EPG5: variants seen among roughly 807,000 people sequenced by gnomAD.
EPG5 encodes ectopic P granules protein 5 homolog.
EPG5 carries 159 observed loss-of-function variants against 302.7 expected under a neutral mutation model. The observed-to-expected ratio is 0.53, with a 90% confidence interval of 0.46 to 0.60. EPG5 has a LOEUF of 0.60. Among genes scored for constraint, EPG5 ranks in the 20% least tolerant of loss-of-function variants. EPG5 has a pLI of 0.00. For missense variants in EPG5, 2,896 were observed against 3,092.4 expected, an observed-to-expected ratio of 0.94 and a Z score of 1.51; for synonymous variants, 1,158 against 1,136.8, an observed-to-expected ratio of 1.02 and a Z score of -0.37.
At position 45,849,421 on chromosome 18, in the gene EPG5, C is replaced by A. The variant is rs1262381446; in HGVS notation, c.*3046G>T. ...CAGAGTGAGAGGGGCACTAGATGAA[C>A]GTGAATGACCCTTCTGACTGTAAAA... On this transcript the variant is annotated 3_prime_UTR_variant, in exon 44 of 44. Coordinates refer to ENST00000282041, the MANE Select transcript of EPG5 (RefSeq NM_020964.3). The A allele has an allele frequency of 6.6e-6, 1 of 152,208 alleles. No individual in the cohort carries two copies. The highest frequency in any genetic ancestry group is 2.4e-5 in the African/African-American group (1 of 41,438). The allele number at this position is 152,208 out of a possible 1,614,324, so 9.4% of individuals were successfully genotyped here. A position where few individuals can be genotyped will look rare whatever the true frequency, so the allele number is the denominator to read the frequency against.
At chr18:45,938,908 G>GCCCCT (rs2050598039) in intron 10 of EPG5, among the ~76,000 whole-genome samples, 1 of 152,172 alleles carries the variant, frequency 6.6e-6, no homozygotes, top group South Asian at 2.1e-4. Context: ...TAGCTCAGGA[G>GCCCCT]AGGGCCAAAG....
chr18:45,946,652 T>C lies in EPG5; in HGVS notation c.1677+11A>G. The C allele has an allele frequency of 6.3e-7, 1 of 1,599,388 alleles. No individual in the cohort carries two copies. Among genetic ancestry groups the C allele is most frequent in the Non-Finnish European group, 8.6e-7 (1 of 1,166,940 alleles). ...ATGATTCATCAAAATAATGCAGATA[T>C]GACAAGTTACCTCTTCTCCTCCTTC... On this transcript the variant is annotated intron_variant, in intron 7 of 43. Transcript: ENST00000282041.
At chr18:45,813,643 T>C in the EPG5 span, among the ~76,000 whole-genome samples, 2 of 152,204 alleles carry the variant, frequency 1.3e-5, no homozygotes, top group African/African-American at 4.8e-5. Context: ...GAAACCATCA[T>C]TCTCAGCAAA....
intron 17 of EPG5, 138 bp from the exon 18 acceptor site, chr18:45,916,720 A>G (rs2050041632): frequency 1.2e-6 from 1 of 836,720 alleles, no homozygotes; most frequent in Non-Finnish European, 1.8e-6. Flanking sequence ...AAGGGATTCT[A>G]GAAGAATAAA....
chr18:45,957,884 A>T (rs1005759473), intron 1 of EPG5, among the ~76,000 whole-genome samples: 1 of 152,108 alleles, frequency 6.6e-6, no homozygotes, highest in African/African-American at 2.4e-5. Context: ...GTCCCCTCTA[A>T]ACCAGGCACG....
intron 1 of EPG5, among the ~76,000 whole-genome samples, chr18:45,958,972 C>G (rs549685020): frequency 1.2e-4 from 19 of 152,186 alleles, no homozygotes; most frequent in Non-Finnish European, 1.5e-4. Context: ...TCTGACCAAT[C>G]AGCATTCCTG....
intron 42 of EPG5, among the ~76,000 whole-genome samples, chr18:45,857,532 A>G (rs2048540644): frequency 6.6e-6 from 1 of 152,238 alleles, no homozygotes; most frequent in South Asian, 2.1e-4. Context: ...CTATGCTCGC[A>G]TACCGTCCAT....
intron 39 of EPG5, among the ~76,000 whole-genome samples, chr18:45,863,121 A>G (rs988684618): frequency 1.3e-5 from 2 of 152,192 alleles, no homozygotes; most frequent in Admixed American, 6.5e-5. Flanking sequence ...TAGCTATGCC[A>G]GCTTTCTATT....
intron 1 of EPG5, among the ~76,000 whole-genome samples, chr18:45,959,144 G>C (rs983374258): frequency 2.6e-5 from 4 of 152,182 alleles, no homozygotes; most frequent in Non-Finnish European, 5.9e-5. Context: ...CGATGAATCG[G>C]CTCTGTCTAG....
rs187540989 is a variant in EPG5, at chr18:45,956,528, C to T, written c.64-1190G>A. On this transcript the variant is annotated intron_variant, in intron 1 of 43. Coordinates refer to ENST00000282041, the MANE Select transcript of EPG5 (RefSeq NM_020964.3). ...CTGGAGTGCAGTCACGCAATCTCGGCTCACTGCAACCTCCGCCTCCTGGGT... is the reference window on the plus strand; with the variant it reads ...CTGGAGTGCAGTCACGCAATCTCGGTTCACTGCAACCTCCGCCTCCTGGGT... 3.3e-5 allele frequency among the ~76,000 whole-genome samples: 5 copies of T among 152,000 alleles called. No homozygotes were observed. In the East Asian group the frequency reaches 9.7e-4, roughly 29 times the overall value.
At chr18:45,919,507 A>C (rs918059922) in intron 16 of EPG5, among the ~76,000 whole-genome samples, 1 of 150,346 alleles carries the variant, frequency 6.7e-6, no homozygotes, top group African/African-American at 2.5e-5. Flanking sequence ...GGCATGTTAC[A>C]TGTGTGGTTT....
intron 10 of EPG5, among the ~76,000 whole-genome samples, chr18:45,938,749 T>A (rs2050593659): frequency 6.6e-6 from 1 of 152,190 alleles, no homozygotes; most frequent in Non-Finnish European, 1.5e-5. Context: ...CATCTCCGTT[T>A]TAGAAATGAA....
the EPG5 span, among the ~76,000 whole-genome samples, chr18:45,810,322 C>G: frequency 6.6e-6 from 1 of 152,124 alleles, no homozygotes; most frequent in Non-Finnish European, 1.5e-5. Context: ...TGACACTATT[C>G]CACAAGATGG....
intron 30 of EPG5, among the ~76,000 whole-genome samples, chr18:45,884,300 G>A (rs1035924385): frequency 1.3e-5 from 2 of 152,174 alleles, no homozygotes; most frequent in African/African-American, 2.4e-5. Flanking sequence ...TCTAATGCCT[G>A]ATGATCTGAG....
chr18:45,953,104 T>C (rs1012600545), intron 2 of EPG5, among the ~76,000 whole-genome samples: 4 of 151,514 alleles, frequency 2.6e-5, no homozygotes, highest in East Asian at 1.9e-4. Flanking sequence ...ACCCGGGAGG[T>C]AGAGGTTGCA....
At chr18:45,883,804 G>A (rs1228530727) in intron 30 of EPG5, among the ~76,000 whole-genome samples, 1 of 150,748 alleles carries the variant, frequency 6.6e-6, no homozygotes, top group African/African-American at 2.4e-5. Context: ...AAATACAAGT[G>A]AAGGCAAAGT....
the EPG5 span, chr18:45,841,972 T>C: frequency 2.4e-6 from 2 of 822,680 alleles, no homozygotes; most frequent in Non-Finnish European, 4.0e-6. Context: ...GCCATTCATC[T>C]CTGAGCCCTG....
chr18:45,953,834 TGGA>T (rs1022129539), intron 2 of EPG5: 37 of 984,952 alleles, frequency 3.8e-5, no homozygotes, highest in Non-Finnish European at 4.3e-5. Context: ...GGAAGACCAT[TGGA>T]TGCAACCCCA....
intron 2 of EPG5, chr18:45,953,648 C>G (rs1395447674): frequency 1.0e-6 from 1 of 985,182 alleles, no homozygotes; most frequent in Non-Finnish European, 1.2e-6. Flanking sequence ...CTTCTCCATC[C>G]CCTCTCAAAC....
Sources: gnomAD v4.1 joint callset for allele counts (sites outside exome capture counted in the v4.1 genomes callset) on GRCh38, gnomAD v4.1.1 for gene constraint, MANE v1.5 for transcripts, NCBI Gene and HGNC (gene_info 2026-07-23, HGNC 2026-07-21) for gene names.